The following PML variants were observed in gnomAD, a reference collection of about 807,000 sequenced individuals.
PML encodes protein PML.
Under a neutral mutation model 65.2 loss-of-function variants are expected in PML, and 28 were observed. That is an observed-to-expected ratio of 0.43 (90% CI 0.32 to 0.59). The LOEUF is 0.59. Ranked by LOEUF, PML falls within the 20% of genes least tolerant of loss-of-function variation. The probability of loss-of-function intolerance (pLI) is 0.08; values close to 1 mark genes in which losing one functional copy is unlikely to be tolerated. For synonymous variants in PML, 500 were observed against 508.8 expected, an observed-to-expected ratio of 0.98 and a Z score of 0.23; for missense variants, 1,021 against 1,203.4, an observed-to-expected ratio of 0.85 and a Z score of 2.24.
chr15:73,999,265 A>T (rs1046073824), intron 2 of PML, among the ~76,000 whole-genome samples: 5 of 152,210 alleles, frequency 3.3e-5, no homozygotes, highest in Non-Finnish European at 5.9e-5. Flanking sequence ...AAAAGGTAGC[A>T]TAACTATGTG....
At chr15:74,041,069 C>T (rs1056691606) in intron 7 of PML, among the ~76,000 whole-genome samples, 8 of 152,124 alleles carry the variant, frequency 5.3e-5, no homozygotes, top group Non-Finnish European at 1.0e-4. Flanking sequence ...AGGACATTGC[C>T]CCGAGCTTTG....
intron 2 of PML, among the ~76,000 whole-genome samples, chr15:74,001,373 C>T (rs1449206805): frequency 2.0e-5 from 3 of 150,428 alleles, no homozygotes; most frequent in Non-Finnish European, 4.4e-5. Context: ...GAGAATCTCC[C>T]TCTGTCACCC....
chr15:74,026,966 C>T (rs919307711), intron 4 of PML: 1 of 152,112 alleles, frequency 6.6e-6, no homozygotes, highest in African/African-American at 2.4e-5. Flanking sequence ...TTTTTAAATT[C>T]TTATATATCC....
At position 74,036,067 on chromosome 15, in the gene PML, GT is replaced by G. The variant is rs753297773; in HGVS notation, c.1710+1539del. ...ACAGAGTAGCACTCATTAATTCTTG[GT>G]TAAGGAATGAATCAACGAATGAATG... On this transcript the variant is annotated intron_variant, in intron 7 of 8. Transcript: ENST00000268058. 1.3e-5 allele frequency: 21 copies of G among 1,614,010 alleles called. No individual in the cohort carries two copies. The South Asian group carries it at 2.3e-4, about 18-fold the overall frequency.
chr15:74,029,990 A>C (rs925958352), intron 4 of PML, among the ~76,000 whole-genome samples: 20 of 152,152 alleles, frequency 1.3e-4, no homozygotes, highest in Non-Finnish European at 2.5e-4. Context: ...AGGTCAATCC[A>C]TCATGGCCAA....
At chr15:74,031,925 AG>A (rs1263406302) in intron 4 of PML, among the ~76,000 whole-genome samples, 1 of 152,290 alleles carries the variant, frequency 6.6e-6, no homozygotes, top group South Asian at 2.1e-4. Context: ...CACTTTATAG[AG>A]GGGGACTGAG....
rs770336594 is a variant in PML, at chr15:74,044,788, G to A, written c.2429G>A (p.Ser810Asn). 22 of 1,613,150 alleles carry A rather than the reference G, an allele frequency of 1.4e-5. No individual in the cohort carries two copies. Among genetic ancestry groups the A allele is most frequent in the Non-Finnish European group, 1.9e-5 (22 of 1,180,040 alleles). ...AACGTGAGCTTCATGGAGCTGCTGA[G>A]TGCACACCGCCGTGACCGGCAGGGG... ...LHNVSFMELLSAHRRDRQGGL... is the reference protein window; with the variant it reads ...LHNVSFMELLNAHRRDRQGGL... The change falls in exon 9 of 9, where the codon AGT becomes AAT. Residue 810 changes from serine (S) to asparagine (N), a missense_variant. Coordinates refer to ENST00000268058, the MANE Select transcript of PML (RefSeq NM_033238.3).
chr15:74,033,557 C>T, intron 6 of PML, 143 bp downstream of exon 6: 1 of 900,120 alleles, frequency 1.1e-6, no homozygotes, highest in Non-Finnish European at 1.8e-6. Flanking sequence ...GGAAAGTTCA[C>T]AGTGTGCGTG....
intron 2 of PML, among the ~76,000 whole-genome samples, chr15:74,008,688 A>C (rs1467177729): frequency 6.6e-6 from 1 of 151,806 alleles, no homozygotes; most frequent in Admixed American, 6.6e-5. Context: ...GCAGTGAGCC[A>C]AGATTGCGCC....
Position 74,023,021 on chromosome 15 carries a change from G to T in PML, c.796G>T (p.Gly266Cys). Residue 266 changes from glycine (G) to cysteine (C), a missense_variant, in exon 3 of 9, where the codon GGC becomes TGC. By Grantham distance (159) the Gly-to-Cys change is radical (BLOSUM62 -3). Transcript: ENST00000268058. ...TCACGCGCAGATGCACGCGGCCGTCGGCCAGCTGGGCCGCGCGCGTGCCGA... is the reference window on the plus strand; with the variant it reads ...TCACGCGCAGATGCACGCGGCCGTCTGCCAGCTGGGCCGCGCGCGTGCCGA... ...AVHAQMHAAV[G>C]QLGRARAETE... 1 of 1,606,456 alleles carries T rather than the reference G, an allele frequency of 6.2e-7. No homozygotes were observed. Among genetic ancestry groups the T allele is most frequent in the Non-Finnish European group, 8.5e-7 (1 of 1,178,456 alleles).
In PML at chr15:74,035,431, A is replaced by C. The variant is rs1473530649; in HGVS notation, c.1710+901A>C. 11 of 1,611,984 alleles carry C rather than the reference A, an allele frequency of 6.8e-6. No homozygotes were observed. The highest frequency in any genetic ancestry group is 9.3e-6 in the Non-Finnish European group (11 of 1,179,958). On this transcript the variant is annotated intron_variant, in intron 7 of 8. Transcript: ENST00000268058. The surrounding 1 kb of genome is among the most constrained non-coding windows in gnomAD (Gnocchi z 4.1). ...CCTGCCGTCCACCGTGGGATCCGCT[A>C]CCTGTTGTACAGAGCACAGAGAGCC...
chr15:73,994,818 G>C lies in PML; in HGVS notation c.6G>C (p.Glu2Asp). 6.4e-7 allele frequency: 1 copy of C among 1,555,740 alleles called. No individual in the cohort carries two copies. Among genetic ancestry groups the C allele is most frequent in the Non-Finnish European group, 8.7e-7 (1 of 1,149,450 alleles). Residue 2 changes from glutamate (E) to aspartate (D), a missense_variant, in exon 1 of 9, where the codon GAG becomes GAC. Coordinates refer to ENST00000268058, the MANE Select transcript of PML (RefSeq NM_033238.3). ...TCGAAACTAAGCTGGGGTCCATGGA[G>C]CCTGCACCCGCCCGATCTCCGAGGC... The part of the protein sequence containing the change: M[E>D]PAPARSPRPQ...
In PML at chr15:74,033,164, C is replaced by T. The variant is rs1567135664; in HGVS notation, c.1407C>T (p.Ser469=). The T allele has an allele frequency of 6.2e-7, 1 of 1,614,068 alleles. No individual in the cohort carries two copies. The highest frequency in any genetic ancestry group is 8.5e-7 in the Non-Finnish European group (1 of 1,179,962). Residue 469 remains serine (S), a synonymous_variant, in exon 6 of 9, where the codon TCC becomes TCT. Transcript: ENST00000268058. The stretch of plus-strand genomic sequence containing the variant: ...TGACTCCCTCTATGCAGGATGTCTC[C>T]AATACAACGACAGCCCAGAAGAGGA... The part of the protein sequence containing the change: ...IKGPSYGEDV[S]NTTTAQKRKC...
chr15:74,006,755 C>T (rs1395015515), intron 2 of PML, among the ~76,000 whole-genome samples: 1 of 152,142 alleles, frequency 6.6e-6, no homozygotes. Flanking sequence ...ACCTGCTTGG[C>T]CTCAGGTGAG....
chr15:74,043,413 G>C lies in PML; in HGVS notation c.1861+274G>C. 1 of 1,414,444 alleles carries C rather than the reference G, an allele frequency of 7.1e-7. No homozygotes were observed. The allele number at this position is 1,414,444 out of a possible 1,614,324, so 87.6% of individuals were successfully genotyped here. On this transcript the variant is annotated intron_variant, in intron 8 of 8. Transcript: ENST00000268058. This position sits in a 1 kb window ranked among gnomAD's most constrained non-coding sequence, Gnocchi z 4.3. Reference sequence around the variant, plus strand: ...CTGACCAGTTCTTCTCTCAGACAGAGAGCCTGGGGAACACACTCCTAGACA... The same window carrying C: ...CTGACCAGTTCTTCTCTCAGACAGACAGCCTGGGGAACACACTCCTAGACA...
chr15:74,044,119 A>G (rs2071743226), intron 8 of PML, 102 bp from the exon 9 acceptor site: 5 of 1,094,088 alleles, frequency 4.6e-6, no homozygotes, highest in Non-Finnish European at 5.6e-6. Context: ...CCCCAAGGTG[A>G]GGTCTCTAGA....
At position 74,042,985 on chromosome 15, in the gene PML, G is replaced by A; in HGVS notation, c.1711-4G>A. ...CCCTGACGCTTGGTTTTTCTGTGTT[G>A]CAGTCCTCCCGAGAGCTGGATGACA... On this transcript the variant is annotated splice_region_variant and splice_polypyrimidine_tract_variant and intron_variant, in intron 7 of 8. Coordinates refer to ENST00000268058, the MANE Select transcript of PML (RefSeq NM_033238.3). This position sits in a 1 kb window ranked among gnomAD's most constrained non-coding sequence, Gnocchi z 5.3. 6.2e-7 allele frequency: 1 copy of A among 1,613,532 alleles called. No homozygotes were observed.
chr15:74,032,261 G>A, intron 4 of PML: 3 of 417,284 alleles, frequency 7.2e-6, no homozygotes, highest in South Asian at 7.0e-5. Context: ...GCCAGTCGCG[G>A]TGGCTCGTGC....
Position 74,046,974 on chromosome 15 carries a change from T to TC in PML, c.*1972dup, listed in dbSNP as rs1183882618. On this transcript the variant is annotated 3_prime_UTR_variant, in exon 9 of 9. Coordinates refer to ENST00000268058, the MANE Select transcript of PML (RefSeq NM_033238.3). ...ATGCTGTGAGCCTTAAGCATGTGAATCCCCCCACATGACAAGTGGGGAGAC... is the reference window on the plus strand; with the variant it reads ...ATGCTGTGAGCCTTAAGCATGTGAATCCCCCCCACATGACAAGTGGGGAGAC... The TC allele has an allele frequency of 4.4e-6, 1 of 229,282 alleles. No homozygotes were observed. Among genetic ancestry groups the TC allele is most frequent in the East Asian group, 6.2e-5 (1 of 16,140 alleles). 14.2% of individuals were successfully genotyped at this position (229,282 alleles called of 1,614,324 possible).
Sources: gnomAD v4.1 joint callset for allele counts (sites outside exome capture counted in the v4.1 genomes callset) on GRCh38, gnomAD v4.1.1 for gene constraint, Gnocchi (gnomAD v3.1) non-coding constraint, MANE v1.5 for transcripts, NCBI Gene and HGNC (gene_info 2026-07-23, HGNC 2026-07-21) for gene names.